Variants in PLXDC2 observed in about 807,000 individuals in gnomAD.
The protein encoded by PLXDC2 is plexin domain-containing protein 2.
In PLXDC2, 40 loss-of-function variants were observed where a neutral mutation model predicts 68.9. That is an observed-to-expected ratio of 0.58 (90% CI 0.45 to 0.76). The LOEUF (loss-of-function observed/expected upper bound fraction) is 0.76. Ranked by LOEUF, PLXDC2 falls within the 30% of genes least tolerant of loss-of-function variation. PLXDC2 has a pLI of 0.00. For missense variants in PLXDC2, 644 were observed against 661.9 expected, an observed-to-expected ratio of 0.97 and a Z score of 0.30; for synonymous variants, 243 against 234.2, an observed-to-expected ratio of 1.04 and a Z score of -0.34.
intron 7 of PLXDC2, 23 bp downstream of exon 7, chr10:20,164,590 C>G (rs539148817): frequency 6.4e-7 from 1 of 1,556,160 alleles, no homozygotes; most frequent in Non-Finnish European, 8.9e-7. Context: ...AGGGCAGTCG[C>G]AATGAGTGAG....
chr10:19,864,178 A>G (rs1164580617), intron 1 of PLXDC2, among the ~76,000 whole-genome samples: 1 of 151,952 alleles, frequency 6.6e-6, no homozygotes, highest in Non-Finnish European at 1.5e-5. Context: ...TAACTTTTTA[A>G]TTTTTTTGTA....
chr10:20,251,214 C>T (rs1835671012), intron 13 of PLXDC2, among the ~76,000 whole-genome samples: 1 of 152,126 alleles, frequency 6.6e-6, no homozygotes, highest in Non-Finnish European at 1.5e-5. Context: ...GCAGTTTCTT[C>T]AACTGACTGG....
intron 1 of PLXDC2, among the ~76,000 whole-genome samples, chr10:19,878,527 A>C (rs1434423197): frequency 2.0e-5 from 3 of 152,236 alleles, no homozygotes; most frequent in African/African-American, 7.2e-5. Context: ...GAATGATAGA[A>C]TTCCCAAAGA....
chr10:19,904,166 G>A (rs1164014265), intron 1 of PLXDC2, among the ~76,000 whole-genome samples: 3 of 152,030 alleles, frequency 2.0e-5, no homozygotes, highest in Admixed American at 6.6e-5. Context: ...TGCAGTTGTC[G>A]GGTAGAATGT....
intron 9 of PLXDC2, among the ~76,000 whole-genome samples, chr10:20,208,541 T>C (rs1457228451): frequency 6.6e-6 from 1 of 152,172 alleles, no homozygotes; most frequent in Non-Finnish European, 1.5e-5. Context: ...TATATGTTTA[T>C]ATGTTAACAT....
At chr10:19,911,074 A>G (rs1054336001) in intron 1 of PLXDC2, among the ~76,000 whole-genome samples, 2 of 152,002 alleles carry the variant, frequency 1.3e-5, no homozygotes, top group South Asian at 4.2e-4. Context: ...CGTTCTCAAA[A>G]GTTTGGACCT....
chr10:19,975,053 GT>G (rs775557992), intron 1 of PLXDC2, among the ~76,000 whole-genome samples: 5 of 152,080 alleles, frequency 3.3e-5, no homozygotes, highest in Admixed American at 1.3e-4. Context: ...AGAGGCAACT[GT>G]TTTCACTTCT....
chr10:20,048,189 G>A (rs2884576), intron 3 of PLXDC2, among the ~76,000 whole-genome samples: 4 of 152,044 alleles, frequency 2.6e-5, no homozygotes, highest in Admixed American at 2.6e-4. Flanking sequence ...AAAATTTTTG[G>A]CAGTGGTCTT....
chr10:19,965,944 A>ATGCT (rs1564641629), intron 1 of PLXDC2, among the ~76,000 whole-genome samples: 1 of 152,112 alleles, frequency 6.6e-6, no homozygotes, highest in Non-Finnish European at 1.5e-5. Flanking sequence ...ATTCTAGAAG[A>ATGCT]TGCTTCTTTT....
chr10:20,082,310 A>T (rs1374962010), intron 4 of PLXDC2, among the ~76,000 whole-genome samples: 1 of 151,916 alleles, frequency 6.6e-6, no homozygotes, highest in Middle Eastern at 3.2e-3. Flanking sequence ...CAAAGGTATC[A>T]TACCTTTGTC....
chr10:19,966,878 T>G (rs1834272457), intron 1 of PLXDC2, among the ~76,000 whole-genome samples: 1 of 152,150 alleles, frequency 6.6e-6, no homozygotes, highest in African/African-American at 2.4e-5. Context: ...GGGGAAACAC[T>G]GGGGAGAGGG....
At chr10:20,208,260 C>T (rs1236171638) in intron 9 of PLXDC2, among the ~76,000 whole-genome samples, 1 of 152,094 alleles carries the variant, frequency 6.6e-6, no homozygotes, top group Non-Finnish European at 1.5e-5. Context: ...TCACAATTTC[C>T]CATGGCTAGG....
intron 10 of PLXDC2, among the ~76,000 whole-genome samples, chr10:20,215,615 A>G (rs924847035): frequency 2.6e-5 from 4 of 152,090 alleles, no homozygotes; most frequent in African/African-American, 9.7e-5. Flanking sequence ...AGAAAGGACT[A>G]TGATCACCTA....
At chr10:19,989,508 G>A (rs1443043076) in intron 1 of PLXDC2, among the ~76,000 whole-genome samples, 3 of 152,020 alleles carry the variant, frequency 2.0e-5, no homozygotes, top group South Asian at 2.1e-4. Flanking sequence ...CAAGTTATAC[G>A]CATATGTGGA....
In PLXDC2 at chr10:20,285,946, T is replaced by C. The variant is rs1836148182; in HGVS notation, c.*6127T>C. On this transcript the variant is annotated 3_prime_UTR_variant, in exon 14 of 14. Coordinates refer to ENST00000377252, the MANE Select transcript of PLXDC2 (RefSeq NM_032812.9). ...TGATTAAGTTGATCTAGCCTCAACTTAAATTGTAATACATCTGCCTAATTA... is the reference window on the plus strand; with the variant it reads ...TGATTAAGTTGATCTAGCCTCAACTCAAATTGTAATACATCTGCCTAATTA... 1 of 152,238 alleles carries C rather than the reference T, an allele frequency of 6.6e-6. No homozygotes were observed. The highest frequency in any genetic ancestry group is 1.5e-5 in the Non-Finnish European group (1 of 68,040). The allele number at this position is 152,238 out of a possible 1,614,324, so 9.4% of individuals were successfully genotyped here. A position where few individuals can be genotyped will look rare whatever the true frequency, so the allele number is the denominator to read the frequency against.
At position 20,046,924 on chromosome 10, in the gene PLXDC2, C is replaced by G; in HGVS notation, c.380C>G (p.Ala127Gly). The G allele has an allele frequency of 6.2e-7, 1 of 1,612,268 alleles. No individual in the cohort carries two copies. Among genetic ancestry groups the G allele is most frequent in the Non-Finnish European group, 8.5e-7 (1 of 1,179,066 alleles). Residue 127 changes from alanine (A) to glycine (G), a missense_variant, in exon 3 of 14, where the codon GCC becomes GGC. Ala to Gly is a moderately conservative substitution (Grantham distance 60, BLOSUM62 0). Coordinates refer to ENST00000377252, the MANE Select transcript of PLXDC2 (RefSeq NM_032812.9). ...CGAATATATGGTCCATCTGATTCTG[C>G]CAGCCGGGATTTATGGGTGAACATA... Reference protein sequence around the residue: ...ISRIYGPSDSASRDLWVNIDQ... With the variant: ...ISRIYGPSDSGSRDLWVNIDQ...
intron 4 of PLXDC2, among the ~76,000 whole-genome samples, chr10:20,087,395 T>TA (rs34328110): frequency 6.6e-6 from 1 of 152,162 alleles, no homozygotes; most frequent in Admixed American, 6.5e-5. Context: ...GCTGAGTAAT[T>TA]AAAAAAATTT....
intron 12 of PLXDC2, among the ~76,000 whole-genome samples, chr10:20,229,646 T>A (rs1835334434): frequency 6.6e-6 from 1 of 152,070 alleles, no homozygotes; most frequent in Non-Finnish European, 1.5e-5. Context: ...TAGTTAATCT[T>A]CTTCGAAACA....
chr10:20,044,615 T>G (rs1455727557), intron 2 of PLXDC2, among the ~76,000 whole-genome samples: 1 of 151,726 alleles, frequency 6.6e-6, no homozygotes, highest in African/African-American at 2.4e-5. Context: ...CAGCCTGCAA[T>G]TCTTTCTTTA....
Sources: allele counts gnomAD v4.1 joint callset (sites outside exome capture counted in the v4.1 genomes callset), GRCh38; gene constraint gnomAD v4.1.1; transcripts MANE v1.5; gene names NCBI Gene and HGNC (gene_info 2026-07-23, HGNC 2026-07-21).